TLN2: variants seen among roughly 807,000 people sequenced by gnomAD.
The protein encoded by TLN2 is talin 2, also known as talin-2.
Under a neutral mutation model 294.7 loss-of-function variants are expected in TLN2, and 118 were observed. That is an observed-to-expected ratio of 0.40 (90% CI 0.34 to 0.47). TLN2 has a LOEUF of 0.47. TLN2 is among the 20% of genes least tolerant of loss of function. The pLI, the probability that TLN2 is intolerant of heterozygous loss-of-function variation, is 0.84. For missense variants in TLN2, 3,083 were observed against 3,282.2 expected, an observed-to-expected ratio of 0.94 and a Z score of 1.48; for synonymous variants, 1,431 against 1,304.5, an observed-to-expected ratio of 1.10 and a Z score of -2.09.
chr15:62,442,386 C>G (rs1252455669), intron 1 of TLN2, among the ~76,000 whole-genome samples: 2 of 147,044 alleles, frequency 1.4e-5, no homozygotes, highest in Non-Finnish European at 3.0e-5. Context: ...CCCAGCTACT[C>G]GGGAGGCTGA....
At chr15:62,762,187 T>C in intron 38 of TLN2, 85 bp from the exon 39 acceptor site, 1 of 1,461,092 alleles carries the variant, frequency 6.8e-7, no homozygotes, top group Non-Finnish European at 9.5e-7. Context: ...GGTGGTGATT[T>C]GGCAAAGAAC....
intron 2 of TLN2, among the ~76,000 whole-genome samples, chr15:62,615,534 AG>A: frequency 6.6e-6 from 1 of 152,246 alleles, no homozygotes; most frequent in Non-Finnish European, 1.5e-5. Flanking sequence ...ATCAAAACAC[AG>A]CAAACTAGAA....
chr15:62,462,907 A>G (rs757344100), intron 1 of TLN2, among the ~76,000 whole-genome samples: 1 of 152,132 alleles, frequency 6.6e-6, no homozygotes, highest in Non-Finnish European at 1.5e-5. Flanking sequence ...TCCTGACCGC[A>G]CAGCTGCCAC....
At chr15:62,817,366 GAT>G (rs1232790727) in intron 52 of TLN2, among the ~76,000 whole-genome samples, 3 of 152,044 alleles carry the variant, frequency 2.0e-5, no homozygotes, top group African/African-American at 7.2e-5. Flanking sequence ...TCTGCAGAAT[GAT>G]ATATATATAG....
intron 50 of TLN2, among the ~76,000 whole-genome samples, chr15:62,803,632 T>C (rs2066080427): frequency 6.6e-6 from 1 of 152,240 alleles, no homozygotes; most frequent in Non-Finnish European, 1.5e-5. Context: ...CATTTTCAGC[T>C]CCAGAATATC....
intron 3 of TLN2, among the ~76,000 whole-genome samples, chr15:62,643,056 G>A (rs538679328): frequency 2.9e-4 from 44 of 152,284 alleles, no homozygotes; most frequent in South Asian, 6.2e-4. Context: ...ATTCCAACAA[G>A]TGTCCTTTTT....
At chr15:62,623,027 G>C (rs1596374566) in intron 3 of TLN2, among the ~76,000 whole-genome samples, 1 of 152,324 alleles carries the variant, frequency 6.6e-6, no homozygotes, top group East Asian at 1.9e-4. Context: ...GGGCTAATCA[G>C]GGTGATCAAC....
At chr15:62,434,346 A>G (rs780670174) in intron 1 of TLN2, among the ~76,000 whole-genome samples, 1 of 152,242 alleles carries the variant, frequency 6.6e-6, no homozygotes, top group Admixed American at 6.5e-5. Context: ...ATTAGATTAT[A>G]TAGAATAGCC....
chr15:62,701,203 A>G lies in TLN2; in HGVS notation c.1685A>G (p.Asn562Ser). ...AITAGTASVV[N>S]LTAGDPADTD... ...ACGGCCGGAACGGCTTCAGTTGTTA[A>G]CCTCACAGCTGGTAAGTCCCGGAGA... Residue 562 changes from asparagine to serine, a missense_variant, in exon 17 of 59, where the codon AAC (asparagine) becomes AGC (serine). Coordinates refer to ENST00000636159, the MANE Select transcript of TLN2 (RefSeq NM_015059.3). The G allele has an allele frequency of 6.2e-7, 1 of 1,613,672 alleles. No individual in the cohort carries two copies. The highest frequency in any genetic ancestry group is 8.5e-7 in the Non-Finnish European group (1 of 1,179,718).
chr15:62,645,499 C>T (rs1049536760), intron 3 of TLN2, among the ~76,000 whole-genome samples: 8 of 152,188 alleles, frequency 5.3e-5, no homozygotes, highest in South Asian at 4.1e-4. Context: ...TTTGTGAGAC[C>T]GTGTAAACCA....
chr15:62,792,555 CAT>C, intron 45 of TLN2, 84 bp from the exon 46 acceptor site: 1 of 1,533,602 alleles, frequency 6.5e-7, no homozygotes, highest in East Asian at 2.3e-5. Context: ...TCCCATAGGA[CAT>C]AGGAGAAATT....
chr15:62,397,077 G>A (rs2140229024), intron 1 of TLN2, among the ~76,000 whole-genome samples: 1 of 152,260 alleles, frequency 6.6e-6, no homozygotes, highest in Non-Finnish European at 1.5e-5. Flanking sequence ...GAGAGGGCTG[G>A]GTTGGTGTTT....
At chr15:62,725,535 A>G (rs1844279216) in intron 27 of TLN2, among the ~76,000 whole-genome samples, 1 of 152,212 alleles carries the variant, frequency 6.6e-6, no homozygotes, top group Admixed American at 6.5e-5. Flanking sequence ...CTGTGGTCGT[A>G]TTACCACACC....
intron 20 of TLN2, 118 bp from the exon 21 acceptor site, chr15:62,708,384 C>A (rs2059203783): frequency 2.0e-6 from 2 of 1,014,230 alleles, no homozygotes; most frequent in African/African-American, 1.6e-5. Flanking sequence ...GAGCAGTGGT[C>A]CTGTAAGTAA....
intron 37 of TLN2, among the ~76,000 whole-genome samples, chr15:62,759,473 A>G (rs918212321): frequency 6.6e-5 from 10 of 152,230 alleles, no homozygotes; most frequent in Non-Finnish European, 1.2e-4. Context: ...TTATTCTAAT[A>G]GTGCTGTCTG....
At chr15:62,513,955 T>C (rs1369160676) in intron 1 of TLN2, among the ~76,000 whole-genome samples, 1 of 152,242 alleles carries the variant, frequency 6.6e-6, no homozygotes, top group Non-Finnish European at 1.5e-5. Flanking sequence ...TCCAGATCTC[T>C]TACAAGTTAA....
intron 42 of TLN2, among the ~76,000 whole-genome samples, chr15:62,774,540 T>A (rs1318878380): frequency 6.6e-6 from 1 of 152,158 alleles, no homozygotes; most frequent in Non-Finnish European, 1.5e-5. Flanking sequence ...AGACTTGCCT[T>A]TGGTGTTCAG....
intron 9 of TLN2, among the ~76,000 whole-genome samples, chr15:62,658,801 A>C (rs2053512343): frequency 6.6e-6 from 1 of 152,158 alleles, no homozygotes; most frequent in Non-Finnish European, 1.5e-5. Context: ...TTCCTTTAGC[A>C]GTTTCCACGT....
intron 1 of TLN2, among the ~76,000 whole-genome samples, chr15:62,420,488 C>T (rs2034325269): frequency 1.3e-5 from 2 of 152,166 alleles, no homozygotes; most frequent in South Asian, 4.2e-4. Context: ...ACTCTGCCTC[C>T]TGGGTTCAAG....
Sources: allele counts gnomAD v4.1 joint callset (sites outside exome capture counted in the v4.1 genomes callset), GRCh38; gene constraint gnomAD v4.1.1; transcripts MANE v1.5; gene names NCBI Gene and HGNC (gene_info 2026-07-23, HGNC 2026-07-21).